The following ZNF44 variants were observed in gnomAD, a reference collection of about 807,000 sequenced individuals.
The protein encoded by ZNF44 is zinc finger protein 44.
ZNF44 carries 9 observed loss-of-function variants against 11.7 expected under a neutral mutation model. The observed-to-expected ratio is 0.77, with a 90% CI of 0.46 to 1.35. The LOEUF is 1.35. ZNF44 is among the 40% of genes most tolerant of loss of function. The pLI, the probability that ZNF44 is intolerant of heterozygous loss-of-function variation, is 0.00. For synonymous variants in ZNF44, 224 were observed against 242.7 expected (o/e 0.92, Z 0.72); for missense variants, 696 against 743.1 (o/e 0.94, Z 0.74).
In ZNF44 at chr19:12,250,428, A is replaced by G. The variant is rs1916943420; in HGVS notation, c.1913-60T>C. 4.8e-6 allele frequency: 6 copies of G among 1,253,688 alleles called. 1 individual carries two copies. The South Asian group carries it at 8.0e-5, about 17-fold the overall frequency. 77.7% of individuals were successfully genotyped at this position (1,253,688 alleles called of 1,614,324 possible). ...GTGAGACTGACAGCACTGGACATCTATACTCGAGTCATAAGATGTTCACGA... is the reference window on the plus strand; with the variant it reads ...GTGAGACTGACAGCACTGGACATCTGTACTCGAGTCATAAGATGTTCACGA... On this transcript the variant is annotated intron_variant and NMD_transcript_variant, in intron 5 of 7. Coordinates refer to the ZNF44 transcript ENST00000393337.
chr19:12,225,503 A>G (rs1329739150), downstream of ZNF44, among the ~76,000 whole-genome samples: 1 of 152,084 alleles, frequency 6.6e-6, no homozygotes, highest in African/African-American at 2.4e-5. Context: ...TCCTTTCCTA[A>G]TAAGAGGCAG....
At chr19:12,264,502 G>T (rs1286268736) in intron 5 of ZNF44, among the ~76,000 whole-genome samples, 1 of 152,002 alleles carries the variant, frequency 6.6e-6, no homozygotes, top group African/African-American at 2.4e-5. Context: ...CTCAAACCAA[G>T]TATTTATGTA....
chr19:12,238,930 A>G (rs1174419931), upstream of ZNF44, among the ~76,000 whole-genome samples: 1 of 152,222 alleles, frequency 6.6e-6, no homozygotes, highest in African/African-American at 2.4e-5. Flanking sequence ...ACGCAGCCCC[A>G]GAGGGGATCA....
chr19:12,234,961 A>G (rs1357223289), intron 1 of ZNF44: 1 of 152,292 alleles, frequency 6.6e-6, no homozygotes, highest in Non-Finnish European at 1.5e-5. Context: ...GGCGAAAGAA[A>G]GACATGAGCT....
At chr19:12,291,994 AAAAAAAAAAAAAAGAAAAG>A (rs1255078402) in intron 1 of ZNF44, among the ~76,000 whole-genome samples, 1 of 143,666 alleles carries the variant, frequency 7.0e-6, no homozygotes, top group Non-Finnish European at 1.5e-5. Context: ...TCCATCTCAG[AAAAAAAAAAAAAAGAAAAG>A]AAAAGAAAAA....
At chr19:12,249,617 A>G (rs923133465) in intron 7 of ZNF44, among the ~76,000 whole-genome samples, 5 of 152,106 alleles carry the variant, frequency 3.3e-5, no homozygotes, top group Non-Finnish European at 5.9e-5. Context: ...CAATGGCACA[A>G]TCTCGGCTTA....
rs1210327994 is a variant in ZNF44, at chr19:12,279,923, G to T, written c.4-3841C>A. Among the ~76,000 whole-genome samples, 7 of 142,442 alleles carry T rather than the reference G, an allele frequency of 4.9e-5. 1 individual carries two copies. Among genetic ancestry groups the T allele is most frequent in the Admixed American group, 4.8e-4 (7 of 14,558 alleles). 93.4% of individuals were successfully genotyped at this position (142,442 alleles called of 152,430 possible). A position where few individuals can be genotyped will look rare whatever the true frequency, so the allele number is the denominator to read the frequency against. ...ATGATATGGGTTAGAAATTCAGATT[G>T]TGTGTGTGTGTGTGTGTGTGTGTAT... is the stretch of plus-strand genomic sequence containing the variant. On this transcript the variant is annotated intron_variant, in intron 1 of 3. Transcript: ENST00000355684.
chr19:12,242,512 A>G (rs1211950678), upstream of ZNF44, among the ~76,000 whole-genome samples: 7 of 149,670 alleles, frequency 4.7e-5, no homozygotes, highest in African/African-American at 1.7e-4. Context: ...TCCGGCTCAA[A>G]AAAAAAAAAA....
upstream of ZNF44, among the ~76,000 whole-genome samples, chr19:12,240,494 G>T (rs1404166010): frequency 6.7e-6 from 1 of 149,018 alleles, no homozygotes; most frequent in African/African-American, 2.5e-5. Flanking sequence ...CGTTCATTTG[G>T]AATCTCCCCT....
At chr19:12,248,273 A>G (rs910854811) in exon 8 of ZNF44, 2 of 1,296,696 alleles carry the variant, frequency 1.5e-6, no homozygotes, top group Admixed American at 2.3e-5. Flanking sequence ...CACATTCTTT[A>G]CACTTAAAGG....
intron 5 of ZNF44, among the ~76,000 whole-genome samples, chr19:12,265,593 T>G (rs1404766208): frequency 6.6e-6 from 1 of 152,086 alleles, no homozygotes; most frequent in African/African-American, 2.4e-5. Flanking sequence ...GCAACTATGC[T>G]CAAGGACAGA....
At chr19:12,254,530 C>T (rs895686700) in intron 5 of ZNF44, among the ~76,000 whole-genome samples, 1 of 151,958 alleles carries the variant, frequency 6.6e-6, no homozygotes, top group Non-Finnish European at 1.5e-5. Flanking sequence ...GTCAGGAGTT[C>T]GAGACTACTC....
chr19:12,290,495 G>A (rs1391074525), intron 1 of ZNF44, among the ~76,000 whole-genome samples: 1 of 148,374 alleles, frequency 6.7e-6, no homozygotes, highest in Non-Finnish European at 1.5e-5. Flanking sequence ...AAGGTCAGGA[G>A]TTGAGACCAG....
intron 1 of ZNF44, among the ~76,000 whole-genome samples, chr19:12,236,142 G>A (rs904431347): frequency 6.6e-6 from 1 of 152,202 alleles, no homozygotes; most frequent in African/African-American, 2.4e-5. Context: ...AAGCAAAGTT[G>A]GCACTTGGGA....
At chr19:12,294,426 G>A (rs1354737987) in intron 1 of ZNF44, among the ~76,000 whole-genome samples, 1 of 152,260 alleles carries the variant, frequency 6.6e-6, no homozygotes, top group East Asian at 1.9e-4. Context: ...GAGAAGCGGG[G>A]CTGAGGGCGC....
At chr19:12,233,537 A>G (rs1916245541) in intron 2 of ZNF44, among the ~76,000 whole-genome samples, 2 of 142,936 alleles carry the variant, frequency 1.4e-5, no homozygotes, top group Admixed American at 6.9e-5. Context: ...TGCAACAAGT[A>G]CAACCCATAC....
At chr19:12,260,479 G>A in intron 5 of ZNF44, 1 of 1,319,254 alleles carries the variant, frequency 7.6e-7, no homozygotes, top group Non-Finnish European at 1.1e-6. Context: ...GCCATCCTGT[G>A]CAGCCAGAAG....
chr19:12,280,358 T>G (rs1967425149), intron 1 of ZNF44, among the ~76,000 whole-genome samples: 1 of 152,212 alleles, frequency 6.6e-6, no homozygotes, highest in Admixed American at 6.5e-5. Context: ...ACCAGCACTA[T>G]TCCTGAAGCC....
rs968939797 is a variant in ZNF44, at chr19:12,278,647, A to G, written c.4-2565T>C. ...CTCAGGAAAGTAGGAGAATTGCTTG[A>G]GCCTAGGAGGTTGAGGCTGCAGTGA... On this transcript the variant is annotated intron_variant, in intron 1 of 3. Transcript: ENST00000355684. 2.0e-5 allele frequency among the ~76,000 whole-genome samples: 3 copies of G among 151,750 alleles called. No homozygotes were observed. In the East Asian group the frequency reaches 5.8e-4, roughly 29 times the overall value.
Sources: gnomAD v4.1 joint callset for allele counts (sites outside exome capture counted in the v4.1 genomes callset) on GRCh38, gnomAD v4.1.1 for gene constraint, MANE v1.5 for transcripts, NCBI Gene and HGNC (gene_info 2026-07-23, HGNC 2026-07-21) for gene names.